Variants in SLC24A2 observed in about 807,000 individuals in gnomAD.
The protein encoded by SLC24A2 is sodium/potassium/calcium exchanger 2.
In SLC24A2, 36 loss-of-function variants were observed where a neutral mutation model predicts 62.0. The ratio of observed to expected loss-of-function variants is 0.58; its 90% confidence interval spans 0.44 to 0.77. SLC24A2 has a LOEUF of 0.77. Ranked by LOEUF, SLC24A2 falls within the 30% of genes least tolerant of loss-of-function variation. SLC24A2 has a pLI of 0.00. For synonymous variants in SLC24A2, 358 were observed against 294.0 expected, an observed-to-expected ratio of 1.22 and a Z score of -2.23; for missense variants, 846 against 817.9, an observed-to-expected ratio of 1.03 and a Z score of -0.42.
the SLC24A2 span, among the ~76,000 whole-genome samples, chr9:19,830,944 G>T: frequency 5.3e-5 from 8 of 152,152 alleles, no homozygotes; most frequent in African/African-American, 1.9e-4. Flanking sequence ...ATACCTATTT[G>T]GTGAAGGGTA....
At chr9:20,291,741 G>T in the SLC24A2 span, among the ~76,000 whole-genome samples, 1 of 152,182 alleles carries the variant, frequency 6.6e-6, no homozygotes, top group Admixed American at 6.5e-5. Context: ...GACAACTATG[G>T]AGGATCTTGA....
chr9:19,729,695 G>A (rs548768257), intron 2 of SLC24A2, among the ~76,000 whole-genome samples: 206 of 152,190 alleles, frequency 1.4e-3, no homozygotes, highest in African/African-American at 4.8e-3. Context: ...AAGAAGAAAA[G>A]AGGATACAAG....
chr9:19,787,205 T>C (rs1410741023), intron 1 of SLC24A2, among the ~76,000 whole-genome samples, 186 bp from the exon 2 acceptor site: 1 of 152,168 alleles, frequency 6.6e-6, no homozygotes, highest in Non-Finnish European at 1.5e-5. Context: ...CCCAGGATTG[T>C]TTTCAAGATG....
At chr9:20,245,898 A>G in the SLC24A2 span, among the ~76,000 whole-genome samples, 16,950 of 152,194 alleles carry the variant, frequency 0.11, 2,022 homozygotes, top group East Asian at 0.52. Context: ...CTATTATTAT[A>G]GTTGTTTTAC....
At chr9:19,989,546 T>C in the SLC24A2 span, among the ~76,000 whole-genome samples, 1 of 152,230 alleles carries the variant, frequency 6.6e-6, no homozygotes, top group African/African-American at 2.4e-5. Context: ...TCTTAGGTTA[T>C]GCTTTATACT....
At chr9:20,171,666 T>C in the SLC24A2 span, among the ~76,000 whole-genome samples, 28,408 of 151,846 alleles carry the variant, frequency 0.19, 4,398 homozygotes, top group East Asian at 0.73. Flanking sequence ...CAGGAAAATA[T>C]CAAAATCCTA....
the SLC24A2 span, among the ~76,000 whole-genome samples, chr9:20,001,040 C>T: frequency 6.6e-6 from 1 of 152,214 alleles, no homozygotes; most frequent in Non-Finnish European, 1.5e-5. Context: ...CCATCCATTG[C>T]TCTAATGGGC....
chr9:20,050,293 G>T, the SLC24A2 span, among the ~76,000 whole-genome samples: 19,385 of 148,656 alleles, frequency 0.13, 1,245 homozygotes, highest in East Asian at 0.17. Flanking sequence ...GTGCATGCTT[G>T]TAATCCTAGC....
chr9:20,125,775 G>T, the SLC24A2 span, among the ~76,000 whole-genome samples: 61 of 152,252 alleles, frequency 4.0e-4, no homozygotes, highest in African/African-American at 1.5e-3. Context: ...TTCCCCTCTG[G>T]CTAGGGCTGG....
At chr9:19,582,866 T>C (rs968487619) in intron 5 of SLC24A2, among the ~76,000 whole-genome samples, 2 of 152,042 alleles carry the variant, frequency 1.3e-5, no homozygotes, top group Non-Finnish European at 2.9e-5. Context: ...TTTTAAAATT[T>C]TTCAGAATCT....
chr9:19,844,273 CGTT>C, the SLC24A2 span, among the ~76,000 whole-genome samples: 1 of 152,036 alleles, frequency 6.6e-6, no homozygotes, highest in South Asian at 2.1e-4. Context: ...TGATCAATGA[CGTT>C]GAACATTTTT....
At chr9:19,540,314 A>T (rs1365834310) in intron 8 of SLC24A2, among the ~76,000 whole-genome samples, 1 of 144,088 alleles carries the variant, frequency 6.9e-6, no homozygotes, top group African/African-American at 2.7e-5. Flanking sequence ...TGGTCTTTAC[A>T]TTTTGGCATG....
chr9:19,852,442 T>C, the SLC24A2 span, among the ~76,000 whole-genome samples: 1 of 152,242 alleles, frequency 6.6e-6, no homozygotes, highest in Non-Finnish European at 1.5e-5. Flanking sequence ...CTAGGGTTTT[T>C]ATACTTTCGG....
chr9:20,287,030 G>C, the SLC24A2 span, among the ~76,000 whole-genome samples: 4 of 152,186 alleles, frequency 2.6e-5, no homozygotes, highest in African/African-American at 9.6e-5. Flanking sequence ...TGGATTCAGT[G>C]AGTCTAGAGT....
the SLC24A2 span, among the ~76,000 whole-genome samples, chr9:20,076,264 A>T: frequency 3.9e-5 from 6 of 152,302 alleles, no homozygotes; most frequent in East Asian, 1.2e-3. Context: ...AATCATTTTT[A>T]GTTCCTAGAT....
chr9:19,550,705 TC>T (rs887792766), intron 7 of SLC24A2, among the ~76,000 whole-genome samples: 2 of 69,564 alleles, frequency 2.9e-5, no homozygotes, highest in African/African-American at 9.0e-5. Flanking sequence ...TTTCTTTTTC[TC>T]TTTTTTTTTT....
chr9:19,801,082 G>A, the SLC24A2 span, among the ~76,000 whole-genome samples: 77 of 152,156 alleles, frequency 5.1e-4, no homozygotes, highest in Non-Finnish European at 9.1e-4. Context: ...GATGGTGGCC[G>A]GCCGCTTCCA....
chr9:20,297,100 G>C, the SLC24A2 span, among the ~76,000 whole-genome samples: 1 of 152,270 alleles, frequency 6.6e-6, no homozygotes, highest in Middle Eastern at 3.4e-3. Flanking sequence ...GTTTGGAATT[G>C]TGTCCTTTGG....
chr9:19,950,609 T>C, the SLC24A2 span, among the ~76,000 whole-genome samples: 6 of 152,242 alleles, frequency 3.9e-5, no homozygotes, highest in Non-Finnish European at 8.8e-5. Flanking sequence ...TGAACATTTA[T>C]TAAGCATATA....
Sources: allele counts gnomAD v4.1 joint callset (sites outside exome capture counted in the v4.1 genomes callset), GRCh38; gene constraint gnomAD v4.1.1; transcripts MANE v1.5; gene names NCBI Gene and HGNC (gene_info 2026-07-23, HGNC 2026-07-21).